The following MOSPD2 variants were observed in gnomAD, a reference collection of about 807,000 sequenced individuals.
MOSPD2 encodes motile sperm domain-containing protein 2.
MOSPD2 carries 5 observed loss-of-function variants against 41.7 expected under a neutral mutation model. That is an observed-to-expected ratio of 0.12 (90% CI 0.06 to 0.25). The LOEUF (loss-of-function observed/expected upper bound fraction) is 0.25. MOSPD2 is among the 10% of genes least tolerant of loss of function. MOSPD2 has a pLI of 1.00. For missense variants in MOSPD2, 282 were observed against 375.2 expected, an observed-to-expected ratio of 0.75 and a Z score of 2.05; for synonymous variants, 115 against 126.9, an observed-to-expected ratio of 0.91 and a Z score of 0.63.
chrX:14,918,630 A>G (rs1309894419), intron 13 of MOSPD2, 50 bp from the exon 14 acceptor site: 1 of 869,098 alleles, frequency 1.2e-6, no homozygotes, highest in East Asian at 3.3e-5. Flanking sequence ...TTTTACTTTT[A>G]TAAGAAAATT....
Position 14,892,669 on chromosome X carries a change from TTTTTCAC to T in MOSPD2, c.80-52_80-46del, listed in dbSNP as rs1327664803. ...TCTTCTCCTTTGCCATTAGTGGTTA[TTTTTCAC>T]TGCAGAATTAATCTGACTTGGATGT... On this transcript the variant is annotated intron_variant, in intron 2 of 14. Coordinates refer to ENST00000380492, the MANE Select transcript of MOSPD2 (RefSeq NM_152581.4). The T allele has an allele frequency of 1.8e-5, 18 of 1,017,474 alleles. No individual in the cohort carries two copies. The African/African-American group carries it at 3.4e-4, about 19-fold the overall frequency. 83.9% of individuals were successfully genotyped at this position (1,017,474 alleles called of 1,213,427 possible). A position where few individuals can be genotyped will look rare whatever the true frequency, so the allele number is the denominator to read the frequency against.
chrX:14,902,569 AT>A (rs1317545810), intron 6 of MOSPD2, among the ~76,000 whole-genome samples: 6 of 112,237 alleles, frequency 5.3e-5, no homozygotes, highest in Admixed American at 9.4e-5. Flanking sequence ...AGACCTGGAA[AT>A]GATTTTAAAG....
chrX:14,896,332 C>G (rs2092563188), intron 4 of MOSPD2, among the ~76,000 whole-genome samples: 1 of 111,308 alleles, frequency 9.0e-6, no homozygotes, highest in Admixed American at 9.6e-5. Context: ...TGCTCACTTT[C>G]TGTATTGCCC....
chrX:14,903,686 A>G (rs1252031412), intron 7 of MOSPD2, among the ~76,000 whole-genome samples: 3 of 112,644 alleles, frequency 2.7e-5, no homozygotes, highest in Non-Finnish European at 5.6e-5. Flanking sequence ...TGCAAAAGTC[A>G]GTTGTTACAT....
At chrX:14,877,131 G>A (rs182676892) in intron 2 of MOSPD2, among the ~76,000 whole-genome samples, 4 of 111,525 alleles carry the variant, frequency 3.6e-5, no homozygotes, top group African/African-American at 1.3e-4. Context: ...AGTGTAGAGA[G>A]CCTTGGGCAC....
intron 2 of MOSPD2, among the ~76,000 whole-genome samples, chrX:14,890,004 A>G (rs1378654014): frequency 8.9e-6 from 1 of 111,777 alleles, no homozygotes; most frequent in Non-Finnish European, 1.9e-5. Flanking sequence ...ATCCTAGGAG[A>G]TGCCCAAGAC....
Position 14,920,310 on chromosome X carries a change from A to T in MOSPD2, c.*501A>T. ...ATACTTATATAGAGGAATTTATGTAACCATGACTTTGTAATTTTGAGAATT... is the reference window on the plus strand; with the variant it reads ...ATACTTATATAGAGGAATTTATGTATCCATGACTTTGTAATTTTGAGAATT... On this transcript the variant is annotated 3_prime_UTR_variant, in exon 15 of 15. Coordinates refer to ENST00000380492, the MANE Select transcript of MOSPD2 (RefSeq NM_152581.4). 1.3e-6 allele frequency: 1 copy of T among 753,232 alleles called. No individual in the cohort carries two copies. Among genetic ancestry groups the T allele is most frequent in the Non-Finnish European group, 1.6e-6 (1 of 637,991 alleles). 62.1% of individuals were successfully genotyped at this position (753,232 alleles called of 1,213,427 possible). A position where few individuals can be genotyped will look rare whatever the true frequency, so the allele number is the denominator to read the frequency against.
At chrX:14,880,781 T>C (rs998797559) in intron 2 of MOSPD2, among the ~76,000 whole-genome samples, 1 of 112,375 alleles carries the variant, frequency 8.9e-6, no homozygotes, top group Non-Finnish European at 1.9e-5. Context: ...TTTTCTCCTT[T>C]ACTGTGTTAA....
Position 14,911,004 on chromosome X carries a change from T to G in MOSPD2, c.703-233T>G, listed in dbSNP as rs905174168. On this transcript the variant is annotated intron_variant, in intron 8 of 14. Coordinates refer to ENST00000380492, the MANE Select transcript of MOSPD2 (RefSeq NM_152581.4). ...AGCTTTTATCCATCTGAAATTCTTT[T>G]TGGTGTAGAGAGCGAGCTAAAGATC... Among the ~76,000 whole-genome samples the G allele has an allele frequency of 8.2e-4, 91 of 111,312 alleles. 1 individual carries two copies. The Admixed American group carries it at 8.6e-3, about 11-fold the overall frequency.
intron 7 of MOSPD2, among the ~76,000 whole-genome samples, chrX:14,905,450 G>A (rs894512811): frequency 1.5e-4 from 17 of 110,226 alleles, no homozygotes; most frequent in African/African-American, 5.0e-4. Context: ...ATATAAAATC[G>A]TATAGTATTT....
At chrX:14,919,039 G>A (rs1300596072) in intron 14 of MOSPD2, among the ~76,000 whole-genome samples, 4 of 110,720 alleles carry the variant, frequency 3.6e-5, no homozygotes, top group African/African-American at 1.3e-4. Flanking sequence ...GCAATATAGC[G>A]AGACCCTGTC....
chrX:14,891,077 A>G (rs2092552720), intron 2 of MOSPD2, among the ~76,000 whole-genome samples: 1 of 112,157 alleles, frequency 8.9e-6, no homozygotes, highest in African/African-American at 3.2e-5. Context: ...TCTACTGTCT[A>G]TTTGGGAAAT....
intron 2 of MOSPD2, among the ~76,000 whole-genome samples, chrX:14,892,189 T>A (rs1282692997): frequency 9.0e-6 from 1 of 111,605 alleles, no homozygotes; most frequent in African/African-American, 3.3e-5. Context: ...CTGAGTGATT[T>A]ATAAAGAAAA....
chrX:14,879,273 C>T lies in MOSPD2; in HGVS notation c.79+5515C>T, dbSNP rs181983851. ...CATCCTTATACATGTCTGGTGCACA[C>T]GTGCAAGAATTTGTCTTGGGCAGTG... is the stretch of plus-strand genomic sequence containing the variant. On this transcript the variant is annotated intron_variant, in intron 2 of 14. Transcript: ENST00000380492. Among the ~76,000 whole-genome samples, 150 of 111,917 alleles carry T rather than the reference C, an allele frequency of 1.3e-3. 3 individuals are homozygous for T. The highest frequency in any genetic ancestry group is 1.2e-3 in the Non-Finnish European group (63 of 53,188).
At chrX:14,917,418 A>G (rs1317318698) in intron 13 of MOSPD2, among the ~76,000 whole-genome samples, 3 of 111,773 alleles carry the variant, frequency 2.7e-5, no homozygotes, top group African/African-American at 9.8e-5. Context: ...CAGAGATAGT[A>G]GGATATCAGA....
intron 8 of MOSPD2, among the ~76,000 whole-genome samples, chrX:14,909,573 TA>T (rs1334536688): frequency 7.2e-5 from 8 of 111,848 alleles, no homozygotes; most frequent in Non-Finnish European, 1.3e-4. Flanking sequence ...TCTTTTTAGT[TA>T]AAAAGATACT....
rs758322149 is a variant in MOSPD2 at position 14,922,311 on chromosome X, TATC to T, written c.*2507_*2509del. 278 of 111,793 alleles carry T rather than the reference TATC, an allele frequency of 2.5e-3. 1 individual carries two copies. The highest frequency in any genetic ancestry group is 8.6e-3 in the African/African-American group (264 of 30,852). 9.2% of individuals were successfully genotyped at this position (111,793 alleles called of 1,213,427 possible). A position where few individuals can be genotyped will look rare whatever the true frequency, so the allele number is the denominator to read the frequency against. On this transcript the variant is annotated 3_prime_UTR_variant, in exon 15 of 15. Transcript: ENST00000380492. The stretch of plus-strand genomic sequence containing the variant: ...AAAATAATTACATTTATGAAATAAA[TATC>T]ATCAGGAAAAAAACCTCTGGTCTCT...
In MOSPD2 at chrX:14,897,038, T is replaced by A. The variant is rs182705328; in HGVS notation, c.323-46T>A. The A allele has an allele frequency of 2.9e-6, 3 of 1,017,024 alleles. No homozygotes were observed. In the Admixed American group the frequency reaches 9.2e-5, roughly 31 times the overall value. 83.8% of individuals were successfully genotyped at this position (1,017,024 alleles called of 1,213,427 possible). On this transcript the variant is annotated intron_variant, in intron 4 of 14. Transcript: ENST00000380492. ...AAGGCAATATATATGTATAATAATATTATAATGCCATAAGTCTTGTTCTTA... is the reference window on the plus strand; with the variant it reads ...AAGGCAATATATATGTATAATAATAATATAATGCCATAAGTCTTGTTCTTA...
At chrX:14,884,118 T>G (rs1361281663) in intron 2 of MOSPD2, among the ~76,000 whole-genome samples, 4 of 111,309 alleles carry the variant, frequency 3.6e-5, no homozygotes, top group Non-Finnish European at 7.5e-5. Flanking sequence ...CTTAGAACAT[T>G]TATTCAAAAG....
Sources: gnomAD v4.1 joint callset for allele counts (sites outside exome capture counted in the v4.1 genomes callset) on GRCh38, gnomAD v4.1.1 for gene constraint, MANE v1.5 for transcripts, NCBI Gene and HGNC (gene_info 2026-07-23, HGNC 2026-07-21) for gene names.